The following PLK4 variants were observed in gnomAD, a reference collection of about 807,000 sequenced individuals.
PLK4 encodes the protein polo like kinase 4.
Under a neutral mutation model 103.0 loss-of-function variants are expected in PLK4, and 51 were observed. That is an observed-to-expected ratio of 0.50 (90% CI 0.40 to 0.63). The LOEUF is 0.63. PLK4 is among the 20% of genes least tolerant of loss of function. The probability of loss-of-function intolerance (pLI) is 0.00; values close to 1 mark genes in which losing one functional copy is unlikely to be tolerated. For synonymous variants in PLK4, 389 were observed against 376.8 expected (o/e 1.03, Z -0.38); for missense variants, 1,054 against 1,151.0 (o/e 0.92, Z 1.22).
intron 14 of PLK4, 103 bp downstream of exon 14, chr4:127,895,196 T>G (rs2148824377): frequency 1.3e-6 from 1 of 792,408 alleles, no homozygotes; most frequent in East Asian, 2.9e-5. Flanking sequence ...TAATGATATC[T>G]TTTTACAAGG....
chr4:127,882,912 T>C (rs1168604666), intron 2 of PLK4, among the ~76,000 whole-genome samples: 1 of 151,870 alleles, frequency 6.6e-6, no homozygotes, highest in African/African-American at 2.4e-5. Context: ...AGTGAGACCC[T>C]GCCTTTAAAA....
At chr4:127,888,351 A>C (rs1000228830) in intron 6 of PLK4, among the ~76,000 whole-genome samples, 5 of 152,136 alleles carry the variant, frequency 3.3e-5, no homozygotes, top group African/African-American at 7.2e-5. Flanking sequence ...TCTCCGTCTT[A>C]CAGATGAGGA....
intron 14 of PLK4, among the ~76,000 whole-genome samples, chr4:127,895,480 TG>T (rs1303881730): frequency 5.5e-5 from 8 of 145,130 alleles, no homozygotes; most frequent in Non-Finnish European, 7.6e-5. Context: ...TTTTTTTTTT[TG>T]AGACAAAGTC....
rs1735342528 is a variant in PLK4, at chr4:127,891,159, TGAAA to T, written c.1902_1905del (p.Glu635PhefsTer61). ...AAGGAGTATGCATCTCAAGAATATG[TGAAA>T]GAAGTTCTTCAGATATCTAGTGATG... On this transcript the variant is annotated frameshift_variant, in exon 8 of 16. Transcript: ENST00000270861. LOFTEE classifies it high-confidence loss of function. 1 of 1,591,378 alleles carries T rather than the reference TGAAA, an allele frequency of 6.3e-7. No homozygotes were observed. Among genetic ancestry groups the T allele is most frequent in the Non-Finnish European group, 8.6e-7 (1 of 1,162,486 alleles).
chr4:127,898,036 A>C (rs368715200), intron 15 of PLK4, among the ~76,000 whole-genome samples: 1 of 151,360 alleles, frequency 6.6e-6, no homozygotes, highest in African/African-American at 2.4e-5. Flanking sequence ...CAGGGTTTCA[A>C]CATATTGGCC....
Position 127,886,300 on chromosome 4 carries a change from A to G in PLK4, c.930A>G (p.Arg310=), listed in dbSNP as rs1181058834. The G allele has an allele frequency of 1.2e-6, 2 of 1,613,944 alleles. No homozygotes were observed. Among genetic ancestry groups the G allele is most frequent in the Admixed American group, 3.3e-5 (2 of 59,988 alleles). Residue 310 remains arginine, a synonymous_variant, in exon 5 of 16, where the codon AGA becomes AGG. Coordinates refer to ENST00000270861, the MANE Select transcript of PLK4 (RefSeq NM_014264.5). ...TSISGSLFDK[R]RLLIGQPLPN... is the part of the protein sequence containing the mutation. ...TAAGTGGTAGTTTATTTGACAAAAG[A>G]AGACTTTTGATTGGTCAGCCACTCC... is the stretch of plus-strand genomic sequence containing the variant.
chr4:127,891,507 A>G (rs1159305920), intron 8 of PLK4, 72 bp from the exon 9 acceptor site: 3 of 561,920 alleles, frequency 5.3e-6, no homozygotes, highest in Non-Finnish European at 9.5e-6. Context: ...AACACTTTGT[A>G]TACGTTTTAG....
rs1293640793 is a variant in PLK4, at chr4:127,890,098, A to C, written c.1692A>C (p.Ser564=). ...EIIQQECVFG[S]DPLSEQSKTR... is the part of the protein sequence containing the mutation. ...TCCAACAAGAATGTGTTTTTGGCTC[A>C]GATCCTCTTTCTGAACAGAGCAAGA... Residue 564 remains serine, a synonymous_variant, in exon 7 of 16, where the codon TCA becomes TCC. Transcript: ENST00000270861. 2 of 1,614,108 alleles carry C rather than the reference A, an allele frequency of 1.2e-6. No homozygotes were observed.
At position 127,898,528 on chromosome 4, in the gene PLK4, C is replaced by T. The variant is rs1735662913; in HGVS notation, c.2900C>T (p.Pro967Leu). Residue 967 changes from proline (P) to leucine (L), a missense_variant, in exon 16 of 16, where the codon CCT (proline) becomes CTT (leucine). Pro to Leu is a moderately conservative substitution (Grantham distance 98). Coordinates refer to ENST00000270861, the MANE Select transcript of PLK4 (RefSeq NM_014264.5). ...SILLMFSNPT[P>L]NFH ...CTTTTGATGTTTTCTAATCCGACTC[C>T]TAATTTTCATTGATTAAAACTCCTT... 1 of 1,502,158 alleles carries T rather than the reference C, an allele frequency of 6.7e-7. No homozygotes were observed. The highest frequency in any genetic ancestry group is 9.2e-7 in the Non-Finnish European group (1 of 1,085,020). The allele number at this position is 1,502,158 out of a possible 1,614,324, so 93.1% of individuals were successfully genotyped here. A position where few individuals can be genotyped will look rare whatever the true frequency, so the allele number is the denominator to read the frequency against.
chr4:127,885,445 C>G (rs534218794), intron 4 of PLK4, among the ~76,000 whole-genome samples: 1 of 144,622 alleles, frequency 6.9e-6, no homozygotes, highest in Non-Finnish European at 1.5e-5. Flanking sequence ...CGCCACTGCA[C>G]TCCAGCCTGA....
At chr4:127,884,039 A>G (rs954091003) in intron 4 of PLK4, among the ~76,000 whole-genome samples, 4 of 152,230 alleles carry the variant, frequency 2.6e-5, no homozygotes, top group Non-Finnish European at 5.9e-5. Context: ...TTGATTTTCC[A>G]AAGTATTTTG....
At chr4:127,893,705 G>A (rs1735452061) in intron 12 of PLK4, 29 bp from the exon 13 acceptor site, 1 of 1,599,730 alleles carries the variant, frequency 6.3e-7, no homozygotes, top group Non-Finnish European at 8.5e-7. Context: ...AAAGCTTCAA[G>A]GGAATATATT....
intron 6 of PLK4, among the ~76,000 whole-genome samples, chr4:127,889,567 GGTGACCATATA>G (rs1345186572): frequency 6.6e-6 from 1 of 152,104 alleles, no homozygotes; most frequent in Non-Finnish European, 1.5e-5. Context: ...AGGATTAATA[GGTGACCATATA>G]GTGACTAGTT....
At chr4:127,890,367 G>T (rs571690231) in intron 7 of PLK4, 131 bp downstream of exon 7, 3 of 553,008 alleles carry the variant, frequency 5.4e-6, no homozygotes, top group African/African-American at 1.9e-5. Context: ...TTATTAAAGA[G>T]AAAAGAGACT....
In PLK4 at chr4:127,881,252, C is replaced by A. The variant is rs547978230; in HGVS notation, c.30+88C>A. ...GCTGTGGGAAGGGGAGCGAACGAAG[C>A]TAACGGCTGCGGGGCGGGCACCGAG... On this transcript the variant is annotated intron_variant, in intron 1 of 15. Coordinates refer to ENST00000270861, the MANE Select transcript of PLK4 (RefSeq NM_014264.5). The A allele has an allele frequency of 2.5e-6, 4 of 1,598,938 alleles. No homozygotes were observed. In the East Asian group the frequency reaches 9.0e-5, roughly 36 times the overall value.
rs768209841 is a variant in PLK4 at position 127,890,047 on chromosome 4, T to C, written c.1641T>C (p.Thr547=). ...AGCAAAATACCATGAAATATATGAC[T>C]GCACTTCACAGTAAACCTGAGATAA... ...VKQQNTMKYM[T]ALHSKPEIIQ... The change falls in exon 7 of 16, where the codon ACT becomes ACC. Residue 547 remains threonine (T), a synonymous_variant. Transcript: ENST00000270861. The C allele has an allele frequency of 1.2e-6, 2 of 1,613,642 alleles. No individual in the cohort carries two copies. The highest frequency in any genetic ancestry group is 1.7e-6 in the Non-Finnish European group (2 of 1,179,680).
Position 127,885,893 on chromosome 4 carries a change from C to T in PLK4, c.523C>T (p.Pro175Ser), listed in dbSNP as rs1431569716. ...HEKHYTLCGTPNYISPEIATR... is the reference protein window; with the variant it reads ...HEKHYTLCGTSNYISPEIATR... Reference sequence around the variant, plus strand: ...AAAGCACTATACATTATGTGGAACTCCTAACTACATTTCACCAGAAATTGC... The same window carrying T: ...AAAGCACTATACATTATGTGGAACTTCTAACTACATTTCACCAGAAATTGC... The change falls in exon 5 of 16, where the codon CCT (proline) becomes TCT (serine). Residue 175 changes from proline (P) to serine (S), a missense_variant. Physicochemically the swap from Pro to Ser is moderately conservative, Grantham distance 74. Around this residue, in one of 4 missense-constraint regions of PLK4, gnomAD observed 199 missense variants for 270.1 expected, o/e 0.74. Transcript: ENST00000270861. 1 of 1,614,046 alleles carries T rather than the reference C, an allele frequency of 6.2e-7. No individual in the cohort carries two copies. Among genetic ancestry groups the T allele is most frequent in the Non-Finnish European group, 8.5e-7 (1 of 1,179,944 alleles).
At chr4:127,885,594 T>G in intron 4 of PLK4, 114 bp from the exon 5 acceptor site, 1 of 785,678 alleles carries the variant, frequency 1.3e-6, no homozygotes, top group Non-Finnish European at 2.1e-6. Flanking sequence ...AAGCCACTGT[T>G]CTACTACAGT....
intron 9 of PLK4, 117 bp from the exon 10 acceptor site, chr4:127,892,248 T>C (rs186841380): frequency 1.1e-4 from 71 of 645,466 alleles, no homozygotes; most frequent in African/African-American, 1.1e-3. Flanking sequence ...AGGTAACTCT[T>C]AGAAAAGAAT....
Sources: allele counts gnomAD v4.1 joint callset (sites outside exome capture counted in the v4.1 genomes callset), GRCh38; gene constraint gnomAD v4.1.1; regional missense constraint gnomAD v4.1.1; transcripts MANE v1.5; gene names NCBI Gene and HGNC (gene_info 2026-07-23, HGNC 2026-07-21).